The following DGKD variants were observed in gnomAD, a reference collection of about 807,000 sequenced individuals.
The protein encoded by DGKD is DAG kinase delta.
DGKD carries 68 observed loss-of-function variants against 154.4 expected under a neutral mutation model. That is an observed-to-expected ratio of 0.44 (90% CI 0.36 to 0.54). The LOEUF is 0.54. Ranked by LOEUF, DGKD falls within the 20% of genes least tolerant of loss-of-function variation. The probability of loss-of-function intolerance (pLI) is 0.00; values close to 1 mark genes in which losing one functional copy is unlikely to be tolerated. For synonymous variants in DGKD, 693 were observed against 638.0 expected, an observed-to-expected ratio of 1.09 and a Z score of -1.30; for missense variants, 1,343 against 1,593.6, an observed-to-expected ratio of 0.84 and a Z score of 2.68.
rs1415641298 is a variant in DGKD at position 233,448,115 on chromosome 2, C to G, written c.1448C>G (p.Ser483Trp). ...CAGCAGATTCTCTTCTATGAAGACT[C>G]GGTTGCAGCCCACCTTTCTAAAATC... Reference protein sequence around the residue: ...EVQQILFYEDSVAAHLSKILT... With the variant: ...EVQQILFYEDWVAAHLSKILT... Residue 483 changes from serine (S) to tryptophan (W), a missense_variant, in exon 13 of 30, where the codon TCG becomes TGG. Ser to Trp is a radical substitution (Grantham distance 177, BLOSUM62 -3). This residue lies in a region of DGKD where 409 missense variants were observed against 446.0 expected (regional missense o/e 0.92). Coordinates refer to ENST00000264057, the MANE Select transcript of DGKD (RefSeq NM_152879.3). The G allele has an allele frequency of 6.2e-7, 1 of 1,614,076 alleles. No individual in the cohort carries two copies. Among genetic ancestry groups the G allele is most frequent in the Non-Finnish European group, 8.5e-7 (1 of 1,180,022 alleles).
rs980429718 is a variant in DGKD at position 233,471,898 on chromosome 2, G to A, written c.*2438G>A. The A allele has an allele frequency of 1.3e-5, 2 of 152,362 alleles. No individual in the cohort carries two copies. Among genetic ancestry groups the A allele is most frequent in the Non-Finnish European group, 2.9e-5 (2 of 68,064 alleles). The allele number at this position is 152,362 out of a possible 1,614,324, so 9.4% of individuals were successfully genotyped here. A position where few individuals can be genotyped will look rare whatever the true frequency, so the allele number is the denominator to read the frequency against. On this transcript the variant is annotated 3_prime_UTR_variant, in exon 30 of 30. Coordinates refer to ENST00000264057, the MANE Select transcript of DGKD (RefSeq NM_152879.3). ...ATGGTCTGCTGTGCAGAGAGAGGCA[G>A]GAAGGATCCCTGAAGAGTCTTGGAG...
intron 3 of DGKD, among the ~76,000 whole-genome samples, chr2:233,406,070 T>G (rs116648436): frequency 0.01 from 1,559 of 152,294 alleles, 32 homozygotes; most frequent in African/African-American, 0.035. Flanking sequence ...GACTTGCTTT[T>G]CCCAGCTCCT....
chr2:233,368,530 A>C (rs1702151770), intron 1 of DGKD, among the ~76,000 whole-genome samples: 1 of 152,218 alleles, frequency 6.6e-6, no homozygotes, highest in East Asian at 1.9e-4. Flanking sequence ...AAATAAAAGG[A>C]TATTTGCTCA....
rs182562646 is a variant in DGKD, at chr2:233,355,384, A to G, written c.156+710A>G. Among the ~76,000 whole-genome samples, 241 of 152,262 alleles carry G rather than the reference A, an allele frequency of 1.6e-3. 1 individual carries two copies. The highest frequency in any genetic ancestry group is 5.5e-3 in the African/African-American group (229 of 41,560). On this transcript the variant is annotated intron_variant, in intron 1 of 29. Transcript: ENST00000264057. The stretch of plus-strand genomic sequence containing the variant: ...CGTTTGTTTTCCCATTGTGCTTCCT[A>G]TTGAAAACAGCTTACGGTTTTTGCT...
Position 233,445,810 on chromosome 2 carries a change from A to G in DGKD, c.1334+48A>G. ...GCCGTATGAGGAGACTTTGAGAGAC[A>G]GGTCCCTTTGACCAGGTGTTCTTAA... On this transcript the variant is annotated intron_variant, in intron 11 of 29. Transcript: ENST00000264057. The surrounding 1 kb of genome is among the most constrained non-coding windows in gnomAD (Gnocchi z 5.5). 1 of 1,538,562 alleles carries G rather than the reference A, an allele frequency of 6.5e-7. No homozygotes were observed. The highest frequency in any genetic ancestry group is 8.8e-7 in the Non-Finnish European group (1 of 1,139,658).
At chr2:233,403,614 A>G (rs1251898633) in intron 3 of DGKD, among the ~76,000 whole-genome samples, 1 of 151,898 alleles carries the variant, frequency 6.6e-6, no homozygotes, top group Non-Finnish European at 1.5e-5. Flanking sequence ...GTAGCTCTGC[A>G]GTTGTTTTCT....
chr2:233,457,092 C>A lies in DGKD; in HGVS notation c.2472+97C>A. Reference sequence around the variant, plus strand: ...TCCTGTTGACCATTTCCTCCATGCACAGGGACTTGCCTGGGGATGCCCTGG... The same window carrying A: ...TCCTGTTGACCATTTCCTCCATGCAAAGGGACTTGCCTGGGGATGCCCTGG... On this transcript the variant is annotated intron_variant, in intron 20 of 29. Coordinates refer to ENST00000264057, the MANE Select transcript of DGKD (RefSeq NM_152879.3). This position sits in a 1 kb window ranked among gnomAD's most constrained non-coding sequence, Gnocchi z 5.5. The A allele has an allele frequency of 1.5e-6, 2 of 1,327,094 alleles. No individual in the cohort carries two copies. Among genetic ancestry groups the A allele is most frequent in the Non-Finnish European group, 1.1e-6 (1 of 924,142 alleles). 82.2% of individuals were successfully genotyped at this position (1,327,094 alleles called of 1,614,324 possible). A position where few individuals can be genotyped will look rare whatever the true frequency, so the allele number is the denominator to read the frequency against.
chr2:233,367,102 C>T (rs756861942), intron 1 of DGKD, among the ~76,000 whole-genome samples: 5 of 152,180 alleles, frequency 3.3e-5, no homozygotes, highest in Admixed American at 6.5e-5. Context: ...TACGCATCAT[C>T]TTTGGTTGTT....
intron 26 of DGKD, among the ~76,000 whole-genome samples, chr2:233,463,363 A>ACCTCACTCCACACATCT (rs1559183408): frequency 1.9e-4 from 25 of 134,380 alleles, no homozygotes; most frequent in African/African-American, 4.8e-4. Flanking sequence ...TCCACACATC[A>ACCTCACTCCACACATCT]CCTCACTCCA....
Position 233,460,211 on chromosome 2 carries a change from G to GA in DGKD, c.2849dup (p.Ser951ValfsTer94). On this transcript the variant is annotated frameshift_variant, in exon 24 of 30. Coordinates refer to ENST00000264057, the MANE Select transcript of DGKD (RefSeq NM_152879.3). LOFTEE classifies it high-confidence loss of function. Reference sequence around the variant, plus strand: ...GTCCATAGGCATTTGAGAGCACCCTGAAGTCCTGGGAAGACAAGCAGAAGT... The same window carrying GA: ...GTCCATAGGCATTTGAGAGCACCCTGAAAGTCCTGGGAAGACAAGCAGAAGT... 6.2e-7 allele frequency: 1 copy of GA among 1,613,924 alleles called. No homozygotes were observed. Among genetic ancestry groups the GA allele is most frequent in the Non-Finnish European group, 8.5e-7 (1 of 1,179,970 alleles).
chr2:233,387,129 G>A (rs1703232472), intron 1 of DGKD, among the ~76,000 whole-genome samples: 1 of 152,260 alleles, frequency 6.6e-6, no homozygotes, highest in Non-Finnish European at 1.5e-5. Context: ...TGGGGGACAT[G>A]AGCCTCCTGT....
At chr2:233,426,283 G>A (rs760312658) in intron 3 of DGKD, among the ~76,000 whole-genome samples, 16 of 152,124 alleles carry the variant, frequency 1.1e-4, no homozygotes, top group Non-Finnish European at 2.2e-4. Context: ...AGTCTGGGCA[G>A]CTCTGCACAC....
rs1460430564 is a variant in DGKD, at chr2:233,459,465, C to T, written c.2695-292C>T. ...GTGGCTTCTGGGAGCTACAACACCC[C>T]TGCCCCTGGGTTCTGACACCTGTTG... On this transcript the variant is annotated intron_variant, in intron 22 of 29. Transcript: ENST00000264057. This position sits in a 1 kb window ranked among gnomAD's most constrained non-coding sequence, Gnocchi z 5.7. Among the ~76,000 whole-genome samples, 1 of 150,034 alleles carries T rather than the reference C, an allele frequency of 6.7e-6. No homozygotes were observed. Among genetic ancestry groups the T allele is most frequent in the East Asian group, 2.0e-4 (1 of 4,966 alleles).
At chr2:233,375,774 G>A (rs527479890) in intron 1 of DGKD, among the ~76,000 whole-genome samples, 66 of 152,098 alleles carry the variant, frequency 4.3e-4, no homozygotes, top group African/African-American at 1.5e-3. Flanking sequence ...AGTAGAGACC[G>A]TTGAATTAAT....
At chr2:233,360,868 C>T (rs1261087329) in intron 1 of DGKD, among the ~76,000 whole-genome samples, 2 of 152,110 alleles carry the variant, frequency 1.3e-5, no homozygotes, top group African/African-American at 4.8e-5. Flanking sequence ...ATGCCTGGGG[C>T]CACCAGAAGC....
intron 3 of DGKD, among the ~76,000 whole-genome samples, chr2:233,405,188 A>C (rs1274122469): frequency 6.6e-6 from 1 of 152,236 alleles, no homozygotes; most frequent in Non-Finnish European, 1.5e-5. Flanking sequence ...TGGAAACTGA[A>C]GCGCCAGTGC....
At chr2:233,427,273 G>T (rs1386132292) in intron 3 of DGKD, among the ~76,000 whole-genome samples, 1 of 151,050 alleles carries the variant, frequency 6.6e-6, no homozygotes, top group African/African-American at 2.4e-5. Flanking sequence ...ACGTCCTGCA[G>T]CCTGGCCTTT....
intron 3 of DGKD, among the ~76,000 whole-genome samples, chr2:233,411,378 A>T (rs560072966): frequency 8.5e-5 from 13 of 152,148 alleles, no homozygotes; most frequent in Non-Finnish European, 1.8e-4. Context: ...TTTTAATTTT[A>T]TGTGTCCTAA....
intron 3 of DGKD, among the ~76,000 whole-genome samples, chr2:233,420,909 T>G (rs1329752527): frequency 3.9e-5 from 6 of 152,174 alleles, no homozygotes; most frequent in South Asian, 2.1e-4. Flanking sequence ...TATCTTCGTC[T>G]TCTTGGCACA....
Sources: gnomAD v4.1 joint callset for allele counts (sites outside exome capture counted in the v4.1 genomes callset) on GRCh38, gnomAD v4.1.1 for gene constraint, gnomAD v4.1.1 regional missense constraint, Gnocchi (gnomAD v3.1) non-coding constraint, MANE v1.5 for transcripts, NCBI Gene and HGNC (gene_info 2026-07-23, HGNC 2026-07-21) for gene names.